SYN3: variants seen among roughly 807,000 people sequenced by gnomAD.
SYN3 encodes synapsin-3.
Under a neutral mutation model 65.8 loss-of-function variants are expected in SYN3, and 35 were observed. The ratio of observed to expected loss-of-function variants is 0.53; its 90% confidence interval spans 0.41 to 0.70. The LOEUF (loss-of-function observed/expected upper bound fraction) is 0.70. Ranked by LOEUF, SYN3 falls within the 30% of genes least tolerant of loss-of-function variation. The pLI is 0.00. For synonymous variants in SYN3, 270 were observed against 292.9 expected (o/e 0.92, Z 0.80); for missense variants, 680 against 749.0 (o/e 0.91, Z 1.08).
At chr22:32,673,779 A>G (rs1337650164) in intron 6 of SYN3, among the ~76,000 whole-genome samples, 2 of 152,232 alleles carry the variant, frequency 1.3e-5, no homozygotes, top group African/African-American at 4.8e-5. Flanking sequence ...AGAGTTCAAT[A>G]CAGCTGAAGG....
intron 7 of SYN3, 80 bp from the exon 8 acceptor site, chr22:32,541,793 G>A (rs2058260232): frequency 3.3e-6 from 5 of 1,500,314 alleles, no homozygotes; most frequent in Non-Finnish European, 3.6e-6. Flanking sequence ...CAAGTGCTCT[G>A]TCTATAGACA....
intron 6 of SYN3, among the ~76,000 whole-genome samples, chr22:32,793,191 T>C (rs1262394564): frequency 6.6e-6 from 1 of 152,226 alleles, no homozygotes; most frequent in Non-Finnish European, 1.5e-5. Context: ...GAGATGATTA[T>C]TTATTGATTA....
At chr22:32,757,046 G>C (rs2045310214) in intron 6 of SYN3, among the ~76,000 whole-genome samples, 1 of 81,880 alleles carries the variant, frequency 1.2e-5, no homozygotes, top group Non-Finnish European at 2.3e-5. Context: ...CACAGTGGTT[G>C]CACTTTTTTT....
At position 33,041,145 on chromosome 22, in the gene SYN3, C is replaced by T. The variant is rs551800760; in HGVS notation, c.-163+17147G>A. 7.2e-4 allele frequency among the ~76,000 whole-genome samples: 110 copies of T among 152,170 alleles called. 4 individuals carry two copies. In the South Asian group the frequency reaches 0.021, roughly 30 times the overall value. ...TGTTGGCCAGGATGGTCTCGATCTC[C>T]TGACCTCATGGTCTGCCTGCCTCGG... On this transcript the variant is annotated intron_variant, in intron 1 of 13. Coordinates refer to ENST00000358763, the MANE Select transcript of SYN3 (RefSeq NM_003490.4).
intron 6 of SYN3, among the ~76,000 whole-genome samples, chr22:32,700,338 C>T (rs2060794554): frequency 6.6e-6 from 1 of 152,154 alleles, no homozygotes; most frequent in South Asian, 2.1e-4. Flanking sequence ...GATGTGGCTC[C>T]TGCATTATCT....
At chr22:32,994,370 C>A (rs1339148910) in intron 2 of SYN3, among the ~76,000 whole-genome samples, 1 of 151,994 alleles carries the variant, frequency 6.6e-6, no homozygotes, top group Non-Finnish European at 1.5e-5. Context: ...AAGTCCAGAG[C>A]CCCTCCAGGT....
intron 1 of SYN3, among the ~76,000 whole-genome samples, chr22:33,019,253 T>G (rs1337129336): frequency 6.6e-6 from 1 of 152,242 alleles, no homozygotes; most frequent in Non-Finnish European, 1.5e-5. Flanking sequence ...TAATGAGTCA[T>G]GCTCTTCCAA....
chr22:32,766,528 G>A (rs557582532), intron 6 of SYN3, among the ~76,000 whole-genome samples: 1 of 152,292 alleles, frequency 6.6e-6, no homozygotes, highest in South Asian at 2.1e-4. Context: ...TGAAAGCCAA[G>A]ATTTGAATCT....
At chr22:33,046,314 T>C (rs1372918866) in intron 1 of SYN3, among the ~76,000 whole-genome samples, 11 of 152,314 alleles carry the variant, frequency 7.2e-5, no homozygotes, top group Admixed American at 7.2e-4. Context: ...ACTTAGCACA[T>C]ATCCTAGCAA....
chr22:32,790,406 CTTTATTTATTTATTTA>C (rs130557), intron 6 of SYN3, among the ~76,000 whole-genome samples: 2 of 145,780 alleles, frequency 1.4e-5, no homozygotes, highest in Non-Finnish European at 3.0e-5. Flanking sequence ...TTAAATTAAA[CTTTATTTATTTATTTA>C]TTTATTTATT....
intron 6 of SYN3, among the ~76,000 whole-genome samples, chr22:32,813,582 G>A (rs1430721412): frequency 6.6e-6 from 1 of 151,210 alleles, no homozygotes; most frequent in East Asian, 1.9e-4. Flanking sequence ...AGCCTTGTGG[G>A]TCACCAGTTT....
Position 32,733,153 on chromosome 22 carries a change from G to C in SYN3, c.711+131762C>G, listed in dbSNP as rs113947203. Among the ~76,000 whole-genome samples the C allele has an allele frequency of 2.3e-3, 355 of 152,246 alleles. 1 individual carries two copies. Among genetic ancestry groups the C allele is most frequent in the African/African-American group, 6.5e-3 (270 of 41,540 alleles). On this transcript the variant is annotated intron_variant, in intron 6 of 13. Coordinates refer to ENST00000358763, the MANE Select transcript of SYN3 (RefSeq NM_003490.4). ...GGGGCAAAGGCAATGGAAGGAAGAGGCTCCCAGATTTTCAACTCTTGAGAA... is the reference window on the plus strand; with the variant it reads ...GGGGCAAAGGCAATGGAAGGAAGAGCCTCCCAGATTTTCAACTCTTGAGAA...
At chr22:32,964,460 A>T (rs2051764771) in intron 3 of SYN3, among the ~76,000 whole-genome samples, 1 of 151,062 alleles carries the variant, frequency 6.6e-6, no homozygotes, top group Admixed American at 6.6e-5. Context: ...AAACCCAGAG[A>T]GGCTGTCTGT....
At chr22:32,926,816 T>G (rs1318685403) in intron 4 of SYN3, among the ~76,000 whole-genome samples, 1 of 152,226 alleles carries the variant, frequency 6.6e-6, no homozygotes, top group Non-Finnish European at 1.5e-5. Context: ...TTGTGGGGTT[T>G]GCAGTTCTCA....
At chr22:32,943,087 T>C (rs975809437) in intron 3 of SYN3, among the ~76,000 whole-genome samples, 1 of 152,044 alleles carries the variant, frequency 6.6e-6, no homozygotes, top group Non-Finnish European at 1.5e-5. Flanking sequence ...ATTCAGGAAA[T>C]ACAGAGAACA....
intron 6 of SYN3, among the ~76,000 whole-genome samples, chr22:32,693,160 A>G (rs2060689040): frequency 1.3e-5 from 2 of 152,194 alleles, no homozygotes; most frequent in Admixed American, 1.3e-4. Context: ...TAAGAGATTA[A>G]CAGCAAGAAC....
At chr22:32,867,879 C>T (rs934486117) in intron 5 of SYN3, among the ~76,000 whole-genome samples, 10 of 152,078 alleles carry the variant, frequency 6.6e-5, no homozygotes, top group Admixed American at 2.0e-4. Context: ...CCGTGTCTGG[C>T]GAGGAGTGGT....
At chr22:32,520,722 G>A (rs149266296) in intron 12 of SYN3, among the ~76,000 whole-genome samples, 8 of 152,240 alleles carry the variant, frequency 5.3e-5, no homozygotes, top group South Asian at 4.1e-4. Context: ...CAGATGTCAC[G>A]TCAGCTGAGC....
chr22:32,558,063 A>G (rs1427271941), intron 7 of SYN3, among the ~76,000 whole-genome samples: 1 of 152,146 alleles, frequency 6.6e-6, no homozygotes, highest in Non-Finnish European at 1.5e-5. Context: ...TGCCTATTCC[A>G]CTAGACTATG....
Sources: allele counts gnomAD v4.1 joint callset (sites outside exome capture counted in the v4.1 genomes callset), GRCh38; gene constraint gnomAD v4.1.1; transcripts MANE v1.5; gene names NCBI Gene and HGNC (gene_info 2026-07-23, HGNC 2026-07-21).